Variants in UBE3C observed in about 807,000 individuals in gnomAD.
UBE3C encodes ubiquitin-protein ligase E3C.
UBE3C carries 42 observed loss-of-function variants against 129.4 expected under a neutral mutation model. The ratio of observed to expected loss-of-function variants is 0.32; its 90% CI spans 0.25 to 0.42. The LOEUF (loss-of-function observed/expected upper bound fraction) is 0.42. Among genes scored for constraint, UBE3C ranks in the 10% least tolerant of loss-of-function variants. The pLI, the probability that UBE3C is intolerant of heterozygous loss-of-function variation, is 1.00. For missense variants in UBE3C, 1,049 were observed against 1,319.1 expected, an observed-to-expected ratio of 0.80 and a Z score of 3.17; for synonymous variants, 510 against 492.4, an observed-to-expected ratio of 1.04 and a Z score of -0.47.
At chr7:157,191,386 G>A (rs774616749) in intron 10 of UBE3C, among the ~76,000 whole-genome samples, 13 of 152,216 alleles carry the variant, frequency 8.5e-5, no homozygotes, top group Non-Finnish European at 1.8e-4. Flanking sequence ...CGCCTCCCAG[G>A]CTCAGGTGAT....
intron 14 of UBE3C, among the ~76,000 whole-genome samples, chr7:157,218,813 G>A (rs974669140): frequency 1.3e-5 from 2 of 152,146 alleles, no homozygotes; most frequent in African/African-American, 4.8e-5. Context: ...TCTCTAGCTG[G>A]TCATGGGCAG....
intron 22 of UBE3C, among the ~76,000 whole-genome samples, chr7:157,266,301 A>G (rs1797077461): frequency 6.6e-6 from 1 of 152,164 alleles, no homozygotes; most frequent in South Asian, 2.1e-4. Flanking sequence ...GTGACAGAGC[A>G]AGACTCCGTC....
chr7:157,156,787 A>G (rs948883324), intron 1 of UBE3C, among the ~76,000 whole-genome samples: 1 of 151,512 alleles, frequency 6.6e-6, no homozygotes, highest in Admixed American at 6.6e-5. Context: ...CCTTAATAAT[A>G]CTCTCGGAGA....
chr7:157,156,300 CTTTTTT>C (rs1173730075), intron 1 of UBE3C, among the ~76,000 whole-genome samples: 2 of 85,886 alleles, frequency 2.3e-5, no homozygotes, highest in Non-Finnish European at 4.3e-5. Context: ...ACCCCCAGTT[CTTTTTT>C]TTTTTTTTTT....
Position 157,178,845 on chromosome 7 carries a change from A to G in UBE3C, c.614A>G (p.Asn205Ser), listed in dbSNP as rs147532844. 3.3e-5 allele frequency: 54 copies of G among 1,613,902 alleles called. No individual in the cohort carries two copies. Among genetic ancestry groups the G allele is most frequent in the Non-Finnish European group, 4.2e-5 (49 of 1,179,962 alleles). The change falls in exon 6 of 23, where the codon AAT becomes AGT. Residue 205 changes from asparagine to serine, a missense_variant and splice_region_variant. Transcript: ENST00000348165. Reference protein sequence around the residue: ...IEQILHYMIHNGYYRSLYLLI... With the variant: ...IEQILHYMIHSGYYRSLYLLI... ...CAAATTTTGCACTACATGATTCACA[A>G]TGGTAAGTAGTAGGCAGGATCAGAA...
chr7:157,241,792 A>C (rs1796334747), intron 18 of UBE3C, among the ~76,000 whole-genome samples: 1 of 152,246 alleles, frequency 6.6e-6, no homozygotes, highest in South Asian at 2.1e-4. Context: ...GGGTAAACAG[A>C]ATACGGTTCA....
At chr7:157,164,338 A>G (rs1808155893) in intron 2 of UBE3C, 3 of 456,142 alleles carry the variant, frequency 6.6e-6, no homozygotes, top group Non-Finnish European at 1.3e-5. Context: ...TAAGATTTTT[A>G]CATAGATAGG....
At chr7:157,223,226 C>G (rs773253095) in intron 15 of UBE3C, 28 bp from the exon 16 acceptor site, 36 of 1,607,766 alleles carry the variant, frequency 2.2e-5, no homozygotes, top group Non-Finnish European at 3.0e-5. Context: ...TACAAGTGAA[C>G]TAATTAAGGT....
chr7:157,198,367 T>C, intron 10 of UBE3C: 1 of 754,208 alleles, frequency 1.3e-6, no homozygotes, highest in South Asian at 1.4e-5. Flanking sequence ...CCAGTTTATT[T>C]CTTGATATGT....
intron 18 of UBE3C, among the ~76,000 whole-genome samples, chr7:157,243,143 CAGG>C (rs1280099132): frequency 2.0e-5 from 3 of 152,128 alleles, no homozygotes; most frequent in African/African-American, 7.2e-5. Flanking sequence ...GAAAATAGGA[CAGG>C]AGATGTGCAC....
At chr7:157,153,660 G>A (rs1033004142) in intron 1 of UBE3C, among the ~76,000 whole-genome samples, 7 of 152,024 alleles carry the variant, frequency 4.6e-5, no homozygotes, top group Non-Finnish European at 1.0e-4. Context: ...AATCTTCCTT[G>A]CTCTAAGAAT....
At chr7:157,150,505 A>G (rs1037976528) in intron 1 of UBE3C, among the ~76,000 whole-genome samples, 11 of 152,248 alleles carry the variant, frequency 7.2e-5, no homozygotes, top group African/African-American at 2.7e-4. Flanking sequence ...GGGAAAGGTG[A>G]TTTATGGCAT....
At position 157,192,630 on chromosome 7, in the gene UBE3C, A is replaced by G. The variant is rs1252295158; in HGVS notation, c.1331+5609A>G. The stretch of plus-strand genomic sequence containing the variant: ...GAAGGAGTCTTACCCCACTCCCAAG[A>G]AGAATAAGCGCAAGAGAAAGAAGGG... On this transcript the variant is annotated intron_variant, in intron 10 of 22. Transcript: ENST00000348165. The G allele has an allele frequency of 3.9e-6, 3 of 765,622 alleles. No homozygotes were observed. In the African/African-American group the frequency reaches 5.1e-5, roughly 13 times the overall value. The allele number at this position is 765,622 out of a possible 1,614,324, so 47.4% of individuals were successfully genotyped here.
Position 157,227,051 on chromosome 7 carries a change from G to C in UBE3C, c.2233+1512G>C, listed in dbSNP as rs75202555. ...CGTTCATCTCTCCCACTTGACCCTG[G>C]AGGTCTTTACAGCTTGGGATGGAAT... On this transcript the variant is annotated intron_variant, in intron 17 of 22. Coordinates refer to ENST00000348165, the MANE Select transcript of UBE3C (RefSeq NM_014671.3). Among the ~76,000 whole-genome samples the C allele has an allele frequency of 1.2e-3, 179 of 152,246 alleles. 1 individual carries two copies. The East Asian group carries it at 0.024, about 21-fold the overall frequency.
intron 13 of UBE3C, among the ~76,000 whole-genome samples, chr7:157,211,788 C>G (rs1451261415): frequency 6.6e-6 from 1 of 152,176 alleles, no homozygotes; most frequent in Non-Finnish European, 1.5e-5. Context: ...TGACACAGCT[C>G]TATGCTAAGG....
At chr7:157,258,485 C>T (rs1309903364) in intron 22 of UBE3C, among the ~76,000 whole-genome samples, 1 of 152,178 alleles carries the variant, frequency 6.6e-6, no homozygotes, top group Admixed American at 6.5e-5. Context: ...CGGAGTTTTA[C>T]TCTGTCGCCC....
intron 1 of UBE3C, among the ~76,000 whole-genome samples, chr7:157,151,081 A>C (rs138545016): frequency 2.6e-5 from 4 of 152,310 alleles, no homozygotes; most frequent in African/African-American, 9.6e-5. Context: ...GACTTTGGTC[A>C]TGGTGTATTT....
intron 18 of UBE3C, among the ~76,000 whole-genome samples, chr7:157,234,385 C>T (rs962135626): frequency 6.6e-6 from 1 of 152,128 alleles, no homozygotes; most frequent in South Asian, 2.1e-4. Context: ...ATTCTTGGCA[C>T]CCTTGTTGAA....
Position 157,207,867 on chromosome 7 carries a change from G to A in UBE3C, c.1741G>A (p.Val581Ile). The A allele has an allele frequency of 6.2e-7, 1 of 1,613,576 alleles. No individual in the cohort carries two copies. The highest frequency in any genetic ancestry group is 8.5e-7 in the Non-Finnish European group (1 of 1,179,922). The stretch of plus-strand genomic sequence containing the variant: ...TATTACAGCATTTCAGAGTATTGGA[G>A]TTACTACTAGCTCTGAAATGCAACA... ...EYITAFQSIG[V>I]TTSSEMQQCI... is the part of the protein sequence containing the mutation. The change falls in exon 13 of 23, where the codon GTT becomes ATT. Residue 581 changes from valine to isoleucine, a missense_variant. Physicochemically the swap from Val to Ile is conservative, Grantham distance 29. Coordinates refer to ENST00000348165, the MANE Select transcript of UBE3C (RefSeq NM_014671.3).
Sources: allele counts gnomAD v4.1 joint callset (sites outside exome capture counted in the v4.1 genomes callset), GRCh38; gene constraint gnomAD v4.1.1; transcripts MANE v1.5; gene names NCBI Gene and HGNC (gene_info 2026-07-23, HGNC 2026-07-21).